The following MYOM2 variants were observed in gnomAD, a reference collection of about 807,000 sequenced individuals.
The protein encoded by MYOM2 is myomesin-2.
A neutral mutation model predicts 187.6 loss-of-function variants in MYOM2; 254 were observed. The observed-to-expected ratio is 1.35, with a 90% CI of 1.22 to 1.50. MYOM2 has a LOEUF of 1.50. MYOM2 is among the 40% of genes most tolerant of loss of function. MYOM2 has a pLI of 0.00. For synonymous variants in MYOM2, 981 were observed against 753.8 expected, an observed-to-expected ratio of 1.30 and a Z score of -4.94; for missense variants, 2,796 against 1,924.0, an observed-to-expected ratio of 1.45 and a Z score of -8.48.
chr8:2,092,845 C>T lies in MYOM2; in HGVS notation c.2003+325C>T, dbSNP rs116958716. ...AAAATAGTGACTACGATGTGAAAGTCGTTTTATTTTTTTCGTATTGATTTT... is the reference window on the plus strand; with the variant it reads ...AAAATAGTGACTACGATGTGAAAGTTGTTTTATTTTTTTCGTATTGATTTT... On this transcript the variant is annotated intron_variant, in intron 16 of 36. Transcript: ENST00000262113. Among the ~76,000 whole-genome samples the T allele has an allele frequency of 8.7e-3, 1,329 of 152,204 alleles. 11 individuals carry two copies. Among genetic ancestry groups the T allele is most frequent in the Non-Finnish European group, 0.013 (895 of 67,998 alleles).
intron 25 of MYOM2, among the ~76,000 whole-genome samples, chr8:2,112,001 C>T (rs2116822025): frequency 6.6e-6 from 1 of 152,292 alleles, no homozygotes; most frequent in South Asian, 2.1e-4. Context: ...AGACTTTATT[C>T]ACACGTAAAC....
intron 23 of MYOM2, 108 bp from the exon 24 acceptor site, chr8:2,108,678 A>G (rs929763437): frequency 3.5e-5 from 37 of 1,066,554 alleles, no homozygotes; most frequent in African/African-American, 1.7e-4. Flanking sequence ...GTGTCCTCCA[A>G]TTAAATCCTG....
intron 28 of MYOM2, among the ~76,000 whole-genome samples, chr8:2,120,089 T>C (rs1797375089): frequency 1.3e-5 from 2 of 152,050 alleles, no homozygotes; most frequent in Non-Finnish European, 2.9e-5. Context: ...CATTGTTGAG[T>C]GCATCAACGT....
Position 2,124,198 on chromosome 8 carries a change from G to C in MYOM2, c.3675G>C (p.Leu1225Phe). The change falls in exon 31 of 37, where the codon TTG becomes TTC. Residue 1225 changes from leucine to phenylalanine, a missense_variant. By Grantham distance (22) the Leu-to-Phe change is conservative. Coordinates refer to ENST00000262113, the MANE Select transcript of MYOM2 (RefSeq NM_003970.4). ...TTTCAGTGTATGATGATATGATTTT[G>C]GCAATGAGTAGAGTCTGTGGTAAGT... Reference protein sequence around the residue: ...IAGKVYDDMILAMSRVCGKSA... With the variant: ...IAGKVYDDMIFAMSRVCGKSA... The C allele has an allele frequency of 6.2e-7, 1 of 1,612,858 alleles. No homozygotes were observed. Among genetic ancestry groups the C allele is most frequent in the Non-Finnish European group, 8.5e-7 (1 of 1,179,312 alleles).
chr8:2,056,204 G>T (rs532133423), intron 3 of MYOM2, among the ~76,000 whole-genome samples: 17 of 152,294 alleles, frequency 1.1e-4, no homozygotes, highest in African/African-American at 3.9e-4. Flanking sequence ...ACAGGGGAGA[G>T]GATTAGGGAT....
chr8:2,090,140 C>G lies in MYOM2; in HGVS notation c.1777C>G (p.Leu593Val), dbSNP rs774944195. The change falls in exon 15 of 37, where the codon CTG becomes GTG. Residue 593 changes from leucine (L) to valine (V), a missense_variant. Physicochemically the swap from Leu to Val is conservative, Grantham distance 32 (BLOSUM62 1). Coordinates refer to ENST00000262113, the MANE Select transcript of MYOM2 (RefSeq NM_003970.4). ...FRVLSANRHG[L>V]SEPSEITSPI... The stretch of plus-strand genomic sequence containing the variant: ...AGTGCTGTCAGCAAACCGGCATGGC[C>G]TGAGCGAACCTTCGGAGATAACGTC... 3.0e-5 allele frequency: 49 copies of G among 1,613,970 alleles called. No homozygotes were observed. The highest frequency in any genetic ancestry group is 1.9e-5 in the Non-Finnish European group (22 of 1,180,010).
At chr8:2,079,840 C>A (rs555828154) in intron 13 of MYOM2, among the ~76,000 whole-genome samples, 9 of 152,314 alleles carry the variant, frequency 5.9e-5, no homozygotes, top group African/African-American at 1.7e-4. Flanking sequence ...GGATTGGTGA[C>A]TCTTAGACTC....
intron 32 of MYOM2, among the ~76,000 whole-genome samples, chr8:2,135,087 T>A (rs1798022070): frequency 6.6e-6 from 1 of 152,202 alleles, no homozygotes; most frequent in African/African-American, 2.4e-5. Context: ...TCAAGCCTTG[T>A]TCCTTTCCTG....
chr8:2,127,115 G>A (rs1159741633), intron 31 of MYOM2, among the ~76,000 whole-genome samples: 1 of 151,940 alleles, frequency 6.6e-6, no homozygotes, highest in East Asian at 1.9e-4. Context: ...ATGAGTCAGT[G>A]TCAGGGAATT....
At chr8:2,100,161 C>CCTTCCTTCCTTCT (rs1796655396) in intron 19 of MYOM2, among the ~76,000 whole-genome samples, 1 of 121,584 alleles carries the variant, frequency 8.2e-6, no homozygotes. Flanking sequence ...TCCTTCCTTC[C>CCTTCCTTCCTTCT]TTCCTTCCTT....
chr8:2,112,591 T>C (rs1797104052), intron 25 of MYOM2, among the ~76,000 whole-genome samples: 1 of 152,040 alleles, frequency 6.6e-6, no homozygotes, highest in Admixed American at 6.6e-5. Flanking sequence ...ATACAGACTT[T>C]GAATGTCAGG....
Position 2,057,364 on chromosome 8 carries a change from G to A in MYOM2, c.280G>A (p.Ala94Thr). Residue 94 changes from alanine to threonine, a missense_variant, in exon 4 of 37, where the codon GCC becomes ACC. Transcript: ENST00000262113. ...CTCCTGCAGGTACCAGTCCCTGGTG[G>A]CCGCCTATGGTGAGGCCAAGCGACA... ...ENRSRYQSLV[A>T]AYGEAKRQRF... 3 of 1,607,286 alleles carry A rather than the reference G, an allele frequency of 1.9e-6. No individual in the cohort carries two copies. Among genetic ancestry groups the A allele is most frequent in the Non-Finnish European group, 2.6e-6 (3 of 1,176,314 alleles).
intron 18 of MYOM2, chr8:2,098,204 T>A (rs1796561181): frequency 1.3e-5 from 2 of 152,372 alleles, no homozygotes; most frequent in African/African-American, 4.8e-5. Context: ...TCGGAAGCTA[T>A]TTTTTGAGAC....
Position 2,069,484 on chromosome 8 carries a change from A to G in MYOM2, c.780A>G (p.Gly260=), listed in dbSNP as rs1283839028. Residue 260 remains glycine (G), a synonymous_variant, in exon 8 of 37, where the codon GGA becomes GGG. Transcript: ENST00000262113. The part of the protein sequence containing the change: ...RGDEEPFRSV[G]LPIGLPLSSM... ...ACGAGGAACCATTCCGTTCGGTGGG[A>G]CTCCCGATTGGATGTAAGTGGGTTT... 1 of 1,613,462 alleles carries G rather than the reference A, an allele frequency of 6.2e-7. No homozygotes were observed. Among genetic ancestry groups the G allele is most frequent in the South Asian group, 1.1e-5 (1 of 91,036 alleles).
rs544339176 is a variant in MYOM2, at chr8:2,110,696, G to C, written c.3180+1165G>C. Among the ~76,000 whole-genome samples, 5 of 152,250 alleles carry C rather than the reference G, an allele frequency of 3.3e-5. No homozygotes were observed. In the South Asian group the frequency reaches 8.3e-4, roughly 25 times the overall value. ...TGGTTTGTTCATTACACAAGTTTTA[G>C]GGGAACTGTGGGATGCAGGAGCCTC... On this transcript the variant is annotated intron_variant, in intron 25 of 36. Coordinates refer to ENST00000262113, the MANE Select transcript of MYOM2 (RefSeq NM_003970.4).
chr8:2,095,492 A>G (rs1300740422), intron 17 of MYOM2, among the ~76,000 whole-genome samples: 1 of 151,968 alleles, frequency 6.6e-6, no homozygotes, highest in Non-Finnish European at 1.5e-5. Flanking sequence ...GGGTTTTACT[A>G]TGTTGCCCAG....
chr8:2,081,542 C>A (rs1255393364), intron 13 of MYOM2, among the ~76,000 whole-genome samples: 1 of 152,222 alleles, frequency 6.6e-6, no homozygotes, highest in Non-Finnish European at 1.5e-5. Flanking sequence ...GGAATCCAGC[C>A]TGGCAAAAAT....
rs1311489175 is a variant in MYOM2 at position 2,082,986 on chromosome 8, C to T, written c.1517-2277C>T. Reference sequence around the variant, plus strand: ...CGACCCCAGTTCAGCCACCCAGTAGCTGTGCGATCTTAGGAAAGTGATATG... The same window carrying T: ...CGACCCCAGTTCAGCCACCCAGTAGTTGTGCGATCTTAGGAAAGTGATATG... On this transcript the variant is annotated intron_variant, in intron 13 of 36. Transcript: ENST00000262113. 3.5e-4 allele frequency among the ~76,000 whole-genome samples: 53 copies of T among 152,164 alleles called. 1 individual carries two copies. Among genetic ancestry groups the T allele is most frequent in the Admixed American group, 3.5e-3 (53 of 15,278 alleles).
intron 14 of MYOM2, among the ~76,000 whole-genome samples, chr8:2,086,442 CCTACTGTCGTGATCTCCACGTGG>C (rs1796065639): frequency 6.9e-6 from 1 of 144,652 alleles, no homozygotes; most frequent in Non-Finnish European, 1.5e-5. Flanking sequence ...TGCGTGGCCC[CCTACTGTCGTGATCTCCACGTGG>C]CCACACACTG....
Sources: allele counts gnomAD v4.1 joint callset (sites outside exome capture counted in the v4.1 genomes callset), GRCh38; gene constraint gnomAD v4.1.1; transcripts MANE v1.5; gene names NCBI Gene and HGNC (gene_info 2026-07-23, HGNC 2026-07-21).